Variants in SNX29 observed in about 807,000 individuals in gnomAD.
SNX29 encodes the protein sorting nexin-29.
A neutral mutation model predicts 102.1 loss-of-function variants in SNX29; 78 were observed. The observed-to-expected ratio is 0.76, with a 90% CI of 0.64 to 0.92. The LOEUF is 0.92. Ranked by LOEUF, SNX29 falls within the 40% of genes least tolerant of loss-of-function variation. The pLI is 0.00. For synonymous variants in SNX29, 580 were observed against 414.5 expected, an observed-to-expected ratio of 1.40 and a Z score of -4.85; for missense variants, 1,280 against 1,061.7, an observed-to-expected ratio of 1.21 and a Z score of -2.86.
At chr16:12,464,761 T>C (rs560633696) in intron 18 of SNX29, among the ~76,000 whole-genome samples, 1 of 152,228 alleles carries the variant, frequency 6.6e-6, no homozygotes. Flanking sequence ...TGTCTTATTT[T>C]CTTTAGATAT....
chr16:12,187,642 A>G (rs952041645), intron 13 of SNX29, among the ~76,000 whole-genome samples: 1 of 151,246 alleles, frequency 6.6e-6, no homozygotes, highest in African/African-American at 2.4e-5. Context: ...ACAATTTTCT[A>G]TTTCATAGTA....
intron 18 of SNX29, among the ~76,000 whole-genome samples, chr16:12,432,531 G>C (rs986226466): frequency 1.3e-5 from 2 of 152,176 alleles, no homozygotes; most frequent in African/African-American, 4.8e-5. Context: ...AGGCTGGGCA[G>C]GGCATCCTAA....
intron 1 of SNX29, among the ~76,000 whole-genome samples, chr16:11,994,948 C>T (rs1350710284): frequency 6.6e-6 from 1 of 152,148 alleles, no homozygotes; most frequent in East Asian, 1.9e-4. Context: ...GCAAGCAGGC[C>T]AGGCAGGATG....
At chr16:12,196,622 C>CTTTTTTTTTTTTTTT (rs34779383) in intron 13 of SNX29, among the ~76,000 whole-genome samples, 5 of 129,664 alleles carry the variant, frequency 3.9e-5, no homozygotes, top group Non-Finnish European at 6.4e-5. Context: ...TTTCTTTTTT[C>CTTTTTTTTTTTTTTT]TTTTTTTTTT....
intron 18 of SNX29, 103 bp from the exon 19 acceptor site, chr16:12,477,616 G>A: frequency 1.5e-6 from 2 of 1,373,544 alleles, no homozygotes; most frequent in Non-Finnish European, 2.0e-6. Flanking sequence ...TGACACAGAT[G>A]TGACTCTTGC....
chr16:12,137,195 T>G (rs2054695629), intron 13 of SNX29, among the ~76,000 whole-genome samples: 1 of 152,202 alleles, frequency 6.6e-6, no homozygotes, highest in South Asian at 2.1e-4. Flanking sequence ...CAGCTGAGGC[T>G]CCTAAGCACT....
Position 12,324,116 on chromosome 16 carries a change from A to T in SNX29, c.1783-32047A>T, listed in dbSNP as rs1039111193. On this transcript the variant is annotated intron_variant, in intron 15 of 20. Coordinates refer to ENST00000566228, the MANE Select transcript of SNX29 (RefSeq NM_032167.5). ...GGGGTTTGTTTCCTCATGTGATTAT[A>T]AACTTTCACATGAGACTGGGACCTG... 1.3e-5 allele frequency among the ~76,000 whole-genome samples: 2 copies of T among 152,046 alleles called. 1 individual carries two copies. The highest frequency in any genetic ancestry group is 2.9e-5 in the Non-Finnish European group (2 of 68,018).
intron 15 of SNX29, among the ~76,000 whole-genome samples, chr16:12,339,202 T>C (rs2081541025): frequency 6.6e-6 from 1 of 151,980 alleles, no homozygotes; most frequent in Non-Finnish European, 1.5e-5. Flanking sequence ...ACCCCGTCTC[T>C]ACTAAAAATA....
At chr16:12,017,941 C>T (rs1018118621) in intron 3 of SNX29, among the ~76,000 whole-genome samples, 10 of 151,900 alleles carry the variant, frequency 6.6e-5, no homozygotes, top group Admixed American at 3.3e-4. Context: ...AAGTCTCTCT[C>T]GTCACCCAGG....
chr16:12,238,413 C>T lies in SNX29; in HGVS notation c.1678+38730C>T, dbSNP rs188042700. Among the ~76,000 whole-genome samples the T allele has an allele frequency of 5.5e-3, 837 of 151,892 alleles. 4 individuals carry two copies. Among genetic ancestry groups the T allele is most frequent in the Middle Eastern group, 0.017 (5 of 294 alleles). On this transcript the variant is annotated intron_variant, in intron 14 of 20. Transcript: ENST00000566228. ...TGATCTCGGCTCACTGCAGCCTCCG[C>T]CCCCCGAGTTCAAGCGATTCTCCCG...
At chr16:12,512,090 T>A (rs990356319) in intron 19 of SNX29, among the ~76,000 whole-genome samples, 2 of 151,632 alleles carry the variant, frequency 1.3e-5, no homozygotes, top group Non-Finnish European at 2.9e-5. Context: ...TCTCAACAGA[T>A]GAGGCCAAAC....
intron 15 of SNX29, among the ~76,000 whole-genome samples, chr16:12,306,586 G>A (rs182545645): frequency 1.9e-4 from 29 of 152,242 alleles, no homozygotes; most frequent in Admixed American, 1.2e-3. Context: ...TACGTGTTTC[G>A]CTGTCTTTGT....
intron 13 of SNX29, among the ~76,000 whole-genome samples, chr16:12,169,829 T>C (rs1316417598): frequency 6.6e-6 from 1 of 151,880 alleles, no homozygotes; most frequent in African/African-American, 2.4e-5. Flanking sequence ...GCCACTGCAC[T>C]CCAGCCTGGG....
chr16:12,250,098 G>T (rs1289097537), intron 14 of SNX29, among the ~76,000 whole-genome samples: 2 of 152,168 alleles, frequency 1.3e-5, no homozygotes, highest in African/African-American at 4.8e-5. Context: ...CAGGCAGGGA[G>T]AGCTTCCTGC....
chr16:12,436,450 C>G (rs998391985), intron 18 of SNX29, among the ~76,000 whole-genome samples: 9 of 152,374 alleles, frequency 5.9e-5, no homozygotes, highest in Non-Finnish European at 8.8e-5. Context: ...GCGCGAGCAC[C>G]TGGCTGCTTT....
At chr16:12,360,862 C>CTG (rs2082281105) in intron 16 of SNX29, among the ~76,000 whole-genome samples, 1 of 152,200 alleles carries the variant, frequency 6.6e-6, no homozygotes, top group Non-Finnish European at 1.5e-5. Flanking sequence ...TACAGGTTTA[C>CTG]TGAGGTTCAG....
chr16:12,560,729 C>G (rs188493109), intron 20 of SNX29: 228 of 167,694 alleles, frequency 1.4e-3, no homozygotes, highest in Non-Finnish European at 2.2e-3. Flanking sequence ...CATTCAACAT[C>G]AAAACCAACC....
intron 14 of SNX29, among the ~76,000 whole-genome samples, chr16:12,270,468 A>G (rs539790052): frequency 6.6e-6 from 1 of 152,144 alleles, no homozygotes; most frequent in Non-Finnish European, 1.5e-5. Context: ...TCTCGACTTG[A>G]AAGTAAATCC....
intron 4 of SNX29, chr16:12,029,751 C>G: frequency 2.8e-6 from 1 of 361,780 alleles, no homozygotes; most frequent in South Asian, 2.1e-5. Flanking sequence ...GCCACCATGT[C>G]TGGCTAATTT....
Sources: allele counts gnomAD v4.1 joint callset (sites outside exome capture counted in the v4.1 genomes callset), GRCh38; gene constraint gnomAD v4.1.1; transcripts MANE v1.5; gene names NCBI Gene and HGNC (gene_info 2026-07-23, HGNC 2026-07-21).